The following CBR1 variants were observed in gnomAD, a reference collection of about 807,000 sequenced individuals.
CBR1 encodes the protein carbonyl reductase [NADPH] 1.
In CBR1, 11 loss-of-function variants were observed where a neutral mutation model predicts 10.6. The observed-to-expected ratio is 1.03, with a 90% confidence interval of 0.65 to 1.71. The LOEUF (loss-of-function observed/expected upper bound fraction) is 1.71. CBR1 is among the 40% of genes most tolerant of loss of function. The pLI, the probability that CBR1 is intolerant of heterozygous loss-of-function variation, is 0.00. For synonymous variants in CBR1, 158 were observed against 156.7 expected (o/e 1.01, Z -0.06); for missense variants, 361 against 368.6 (o/e 0.98, Z 0.17).
chr21:36,071,929 G>A, intron 2 of CBR1: 3 of 1,536,060 alleles, frequency 2.0e-6, no homozygotes, highest in Non-Finnish European at 2.6e-6. Context: ...TTAACTCTGG[G>A]CCCATTTTAA....
In CBR1 at chr21:36,071,022, T is replaced by A. The variant is rs764885114; in HGVS notation, c.362T>A (p.Val121Glu). Residue 121 changes from valine (V) to glutamate (E), a missense_variant, in exon 2 of 3, where the codon GTG becomes GAG. Val to Glu is a moderately radical substitution (Grantham distance 121). Coordinates refer to ENST00000290349, the MANE Select transcript of CBR1 (RefSeq NM_001757.4). ...ACAAATTTCTTTGGTACCCGAGATG[T>A]GTGCACAGAATTACTCCCTCTAATA... ...MKTNFFGTRD[V>E]CTELLPLIKP... 1 of 1,613,566 alleles carries A rather than the reference T, an allele frequency of 6.2e-7. No homozygotes were observed. Among genetic ancestry groups the A allele is most frequent in the Non-Finnish European group, 8.5e-7 (1 of 1,179,630 alleles).
chr21:36,071,774 G>A, intron 2 of CBR1: 1 of 1,401,196 alleles, frequency 7.1e-7, no homozygotes, highest in Non-Finnish European at 9.8e-7. Context: ...CCCTCACAAG[G>A]CACCTCTGGT....
chr21:36,072,452 T>C lies in CBR1; in HGVS notation c.404T>C (p.Val135Ala). The part of the protein sequence containing the change: ...LLPLIKPQGR[V>A]VNVSSIMSVR... ...GCTTTGTGGTGTATCTTAGGGAGAG[T>C]GGTGAACGTATCTAGCATCATGAGC... Residue 135 changes from valine (V) to alanine (A), a missense_variant, in exon 3 of 3, where the codon GTG becomes GCG. Transcript: ENST00000290349. 1 of 1,613,762 alleles carries C rather than the reference T, an allele frequency of 6.2e-7. No homozygotes were observed. The highest frequency in any genetic ancestry group is 8.5e-7 in the Non-Finnish European group (1 of 1,179,974).
At chr21:36,071,266 C>T (rs537530000) in intron 2 of CBR1, 1 of 691,370 alleles carries the variant, frequency 1.4e-6, no homozygotes, top group South Asian at 1.5e-5. Flanking sequence ...TCCTCCCTGT[C>T]GCACTGGTCT....
At chr21:36,072,376 A>G in intron 2 of CBR1, 70 bp from the exon 3 acceptor site, 1 of 1,613,358 alleles carries the variant, frequency 6.2e-7, no homozygotes, top group Non-Finnish European at 8.5e-7. Flanking sequence ...AAATCCCTGC[A>G]AATTTGGCAT....
At chr21:36,072,258 C>T (rs866202126) in intron 2 of CBR1, 188 bp from the exon 3 acceptor site, 19 of 1,550,768 alleles carry the variant, frequency 1.2e-5, no homozygotes, top group Middle Eastern at 3.3e-4. Flanking sequence ...AGCCAAAATT[C>T]GAAGGCAGGA....
At chr21:36,070,430 CGAA>C (rs2065343081) in intron 1 of CBR1, 26 bp downstream of exon 1, 3 of 1,554,052 alleles carry the variant, frequency 1.9e-6, no homozygotes, top group African/African-American at 1.4e-5. Flanking sequence ...GTGGCCTCCC[CGAA>C]GAAGAACCGA....
intron 2 of CBR1, 56 bp downstream of exon 2, chr21:36,071,113 T>C (rs768603380): frequency 7.8e-6 from 9 of 1,154,288 alleles, no homozygotes; most frequent in African/African-American, 1.5e-5. Flanking sequence ...TGGCCCCTGC[T>C]TGCCTGGGAT....
rs1205870044 is a variant in CBR1 at position 36,070,333 on chromosome 21, TGCGCG to T, written c.219_223del (p.Arg74LeufsTer24). The T allele has an allele frequency of 6.2e-6, 10 of 1,613,384 alleles. No individual in the cohort carries two copies. ...GACGATCTGCAGAGCATCCGCGCCC[TGCGCG>T]ACTTCCTGCGCAAGGAGTACGGGGG... On this transcript the variant is annotated frameshift_variant, in exon 1 of 3. Coordinates refer to ENST00000290349, the MANE Select transcript of CBR1 (RefSeq NM_001757.4). LOFTEE classifies it high-confidence loss of function.
rs2065365360 is a variant in CBR1 at position 36,072,992 on chromosome 21, C to T, written c.*110C>T. ...CCTTATATAAGAAAAAAAATGATCT[C>T]TTATCAATTAGCACTCACTAATGTA... is the stretch of plus-strand genomic sequence containing the variant. On this transcript the variant is annotated 3_prime_UTR_variant, in exon 3 of 3. Coordinates refer to ENST00000290349, the MANE Select transcript of CBR1 (RefSeq NM_001757.4). The T allele has an allele frequency of 1.4e-6, 1 of 722,972 alleles. No individual in the cohort carries two copies. The highest frequency in any genetic ancestry group is 2.2e-6 in the Non-Finnish European group (1 of 452,216). 44.8% of individuals were successfully genotyped at this position (722,972 alleles called of 1,614,324 possible).
rs1388206717 is a variant in CBR1, at chr21:36,072,701, G to A, written c.653G>A (p.Gly218Glu). The A allele has an allele frequency of 2.5e-6, 4 of 1,614,126 alleles. No homozygotes were observed. In the East Asian group the frequency reaches 8.9e-5, roughly 36 times the overall value. The change falls in exon 3 of 3, where the codon GGG (glycine) becomes GAG (glutamate). Residue 218 changes from glycine (G) to glutamate (E), a missense_variant. Coordinates refer to ENST00000290349, the MANE Select transcript of CBR1 (RefSeq NM_001757.4). Reference sequence around the variant, plus strand: ...AGGAAACTGAGTGAGCAGAGGAAAGGGGACAAGATCCTCCTGAATGCCTGC... The same window carrying A: ...AGGAAACTGAGTGAGCAGAGGAAAGAGGACAAGATCCTCCTGAATGCCTGC... ...HARKLSEQRKGDKILLNACCP... is the reference protein window; with the variant it reads ...HARKLSEQRKEDKILLNACCP...
chr21:36,071,170 C>T (rs547794915), intron 2 of CBR1, 113 bp downstream of exon 2: 2 of 787,298 alleles, frequency 2.5e-6, no homozygotes, highest in South Asian at 2.8e-5. Flanking sequence ...CGTGCACTGA[C>T]CTCTGTGCTT....
At position 36,070,132 on chromosome 21, in the gene CBR1, A is replaced by G. The variant is rs1240399629; in HGVS notation, c.17A>G (p.His6Arg). Residue 6 changes from histidine (H) to arginine (R), a missense_variant, in exon 1 of 3, where the codon CAT becomes CGT. Transcript: ENST00000290349. Reference sequence around the variant, plus strand: ...CGTTCAGCCATGTCGTCCGGCATCCATGTAGCGCTGGTGACTGGAGGCAAC... The same window carrying G: ...CGTTCAGCCATGTCGTCCGGCATCCGTGTAGCGCTGGTGACTGGAGGCAAC... MSSGI[H>R]VALVTGGNKG... is the part of the protein sequence containing the mutation. The G allele has an allele frequency of 6.5e-7, 1 of 1,547,854 alleles. No homozygotes were observed. The highest frequency in any genetic ancestry group is 8.7e-7 in the Non-Finnish European group (1 of 1,147,922).
chr21:36,071,992 T>C, intron 2 of CBR1: 1 of 1,533,200 alleles, frequency 6.5e-7, no homozygotes, highest in Non-Finnish European at 8.7e-7. Context: ...TGTCTTTGGT[T>C]GTAAACTGCT....
rs1298895476 is a variant in CBR1 at position 36,070,077 on chromosome 21, C to T, written c.-39C>T. 3.4e-6 allele frequency: 5 copies of T among 1,464,170 alleles called. No homozygotes were observed. The Admixed American group carries it at 7.9e-5, about 23-fold the overall frequency. 90.7% of individuals were successfully genotyped at this position (1,464,170 alleles called of 1,614,324 possible). On this transcript the variant is annotated 5_prime_UTR_variant, in exon 1 of 3. Transcript: ENST00000290349. ...CGGGGCTCCCGGGCCTGAGCCAGGT[C>T]TGTTCTCCACGCAGGTGTTCCGCGC... is the stretch of plus-strand genomic sequence containing the variant.
At chr21:36,072,048 T>G (rs1463985131) in intron 2 of CBR1, 2 of 1,495,028 alleles carry the variant, frequency 1.3e-6, no homozygotes, top group East Asian at 2.5e-5. Flanking sequence ...ACCCACCCAT[T>G]AAATAACACA....
chr21:36,070,865 T>TTG, intron 1 of CBR1, 85 bp from the exon 2 acceptor site: 1 of 660,246 alleles, frequency 1.5e-6, no homozygotes, highest in African/African-American at 2.0e-5. Context: ...TTTTTTTTTT[T>TTG]TTTTTTTTTT....
chr21:36,070,771 C>T (rs2065345821), intron 1 of CBR1, among the ~76,000 whole-genome samples, 179 bp from the exon 2 acceptor site: 2 of 151,780 alleles, frequency 1.3e-5, no homozygotes, highest in Admixed American at 6.6e-5. Context: ...TACAAAAATA[C>T]TAGAACATGA....
rs375784875 is a variant in CBR1 at position 36,071,024 on chromosome 21, T to C, written c.364T>C (p.Cys122Arg). 7.4e-6 allele frequency: 12 copies of C among 1,613,340 alleles called. No homozygotes were observed. Among genetic ancestry groups the C allele is most frequent in the African/African-American group, 1.3e-5 (1 of 74,888 alleles). Residue 122 changes from cysteine (C) to arginine (R), a missense_variant, in exon 2 of 3, where the codon TGC becomes CGC. Transcript: ENST00000290349. ...KTNFFGTRDV[C>R]TELLPLIKPQ... ...AAATTTCTTTGGTACCCGAGATGTG[T>C]GCACAGAATTACTCCCTCTAATAAA...
Sources: gnomAD v4.1 joint callset for allele counts (sites outside exome capture counted in the v4.1 genomes callset) on GRCh38, gnomAD v4.1.1 for gene constraint, MANE v1.5 for transcripts, NCBI Gene and HGNC (gene_info 2026-07-23, HGNC 2026-07-21) for gene names.